The following DSCAML1 variants were observed in gnomAD, a reference collection of about 807,000 sequenced individuals.
The protein encoded by DSCAML1 is cell adhesion molecule DSCAML1.
DSCAML1 carries 38 observed loss-of-function variants against 200.5 expected under a neutral mutation model. The observed-to-expected ratio is 0.19, with a 90% CI of 0.15 to 0.25. DSCAML1 has a LOEUF of 0.25. Among genes scored for constraint, DSCAML1 ranks in the 10% least tolerant of loss-of-function variants. The pLI is 1.00. For missense variants in DSCAML1, 2,223 were observed against 2,858.8 expected, an observed-to-expected ratio of 0.78 and a Z score of 5.07; for synonymous variants, 1,215 against 1,165.0, an observed-to-expected ratio of 1.04 and a Z score of -0.87.
intron 3 of DSCAML1, among the ~76,000 whole-genome samples, chr11:117,744,929 G>A (rs1359597552): frequency 6.6e-6 from 1 of 152,272 alleles, no homozygotes; most frequent in East Asian, 1.9e-4. Flanking sequence ...CCAGCAGGGA[G>A]GGCGGGCCAA....
intron 3 of DSCAML1, 84 bp downstream of exon 3, chr11:117,776,707 A>G: frequency 6.6e-7 from 1 of 1,519,414 alleles, no homozygotes; most frequent in Non-Finnish European, 9.0e-7. Flanking sequence ...TATTGAGCTC[A>G]ACAACCAGCT....
chr11:117,717,981 A>G (rs2137786844), intron 3 of DSCAML1, among the ~76,000 whole-genome samples: 1 of 152,254 alleles, frequency 6.6e-6, no homozygotes, highest in Admixed American at 6.5e-5. Context: ...TACATAGCAA[A>G]CAACACCCAG....
rs978437812 is a variant in DSCAML1 at position 117,498,186 on chromosome 11, C to G, written c.2359+5659G>C. On this transcript the variant is annotated intron_variant, in intron 11 of 32. Coordinates refer to ENST00000651296, the MANE Select transcript of DSCAML1 (RefSeq NM_020693.4). The surrounding 1 kb of genome is among the most constrained non-coding windows in gnomAD (Gnocchi z 4.0). The stretch of plus-strand genomic sequence containing the variant: ...ATAGGACCCACCACCGGGGAACACA[C>G]AGGAATATCTTGGGCCAGTTGTTTG... Among the ~76,000 whole-genome samples, 1 of 152,260 alleles carries G rather than the reference C, an allele frequency of 6.6e-6. No homozygotes were observed. Among genetic ancestry groups the G allele is most frequent in the Non-Finnish European group, 1.5e-5 (1 of 68,052 alleles).
chr11:117,767,918 G>A (rs1052874581), intron 3 of DSCAML1, among the ~76,000 whole-genome samples: 3 of 152,116 alleles, frequency 2.0e-5, no homozygotes, highest in Non-Finnish European at 4.4e-5. Flanking sequence ...TGCCTGCCGC[G>A]GGACCCTACA....
intron 8 of DSCAML1, among the ~76,000 whole-genome samples, chr11:117,514,139 C>T (rs545736795): frequency 2.0e-5 from 3 of 152,362 alleles, no homozygotes; most frequent in Non-Finnish European, 4.4e-5. Context: ...GCCTTCCCCC[C>T]ATGCCAGAGC....
At chr11:117,589,482 G>T (rs952882658) in intron 3 of DSCAML1, among the ~76,000 whole-genome samples, 1 of 152,112 alleles carries the variant, frequency 6.6e-6, no homozygotes, top group African/African-American at 2.4e-5. Context: ...TTCTAGAAAT[G>T]GTTCTTAGAC....
rs540904964 is a variant in DSCAML1, at chr11:117,666,919, C to T, written c.511+109872G>A. Among the ~76,000 whole-genome samples, 2 of 152,208 alleles carry T rather than the reference C, an allele frequency of 1.3e-5. 1 individual carries two copies. The highest frequency in any genetic ancestry group is 4.8e-5 in the African/African-American group (2 of 41,538). ...CTCCATAATGCAGGTAATTACTGTC[C>T]GAATCCATGTATTCACCATCATGCA... On this transcript the variant is annotated intron_variant, in intron 3 of 32. Coordinates refer to ENST00000651296, the MANE Select transcript of DSCAML1 (RefSeq NM_020693.4).
At chr11:117,744,024 T>A (rs2054470427) in intron 3 of DSCAML1, among the ~76,000 whole-genome samples, 1 of 152,230 alleles carries the variant, frequency 6.6e-6, no homozygotes, top group South Asian at 2.1e-4. Flanking sequence ...CAGAGCTGGA[T>A]GGGGTGATGC....
chr11:117,753,448 A>G (rs895095901), intron 3 of DSCAML1, among the ~76,000 whole-genome samples: 1 of 152,156 alleles, frequency 6.6e-6, no homozygotes, highest in Non-Finnish European at 1.5e-5. Context: ...TCCGTTGTCA[A>G]CCTGTGCTAT....
At chr11:117,622,775 C>T (rs545704664) in intron 3 of DSCAML1, among the ~76,000 whole-genome samples, 7 of 152,164 alleles carry the variant, frequency 4.6e-5, no homozygotes, top group Non-Finnish European at 8.8e-5. Flanking sequence ...TGGTGCTCCT[C>T]GTTCTCCCCC....
chr11:117,587,253 A>ACGC (rs1555187499), intron 3 of DSCAML1, among the ~76,000 whole-genome samples: 2 of 137,792 alleles, frequency 1.5e-5, no homozygotes, highest in Non-Finnish European at 3.1e-5. Context: ...ATTCTTTCCA[A>ACGC]CCCCCCCCCA....
In DSCAML1 at chr11:117,666,115, T is replaced by C. The variant is rs572440244; in HGVS notation, c.511+110676A>G. ...TCCGAGGGGCTGTTTGTTGGCCTCC[T>C]TGGGCCCCAGGAAGCAGAATAGTAT... On this transcript the variant is annotated intron_variant, in intron 3 of 32. Coordinates refer to ENST00000651296, the MANE Select transcript of DSCAML1 (RefSeq NM_020693.4). Among the ~76,000 whole-genome samples the C allele has an allele frequency of 1.4e-3, 220 of 152,246 alleles. 1 individual carries two copies. The highest frequency in any genetic ancestry group is 2.4e-3 in the Non-Finnish European group (165 of 68,002).
At chr11:117,485,960 A>G (rs1201964990) in intron 11 of DSCAML1, among the ~76,000 whole-genome samples, 1 of 152,214 alleles carries the variant, frequency 6.6e-6, no homozygotes, top group Non-Finnish European at 1.5e-5. Flanking sequence ...GGCCGGTCCT[A>G]GCTTGATAAC....
intron 1 of DSCAML1, among the ~76,000 whole-genome samples, chr11:117,816,282 C>T (rs1233879915): frequency 6.6e-6 from 1 of 152,186 alleles, no homozygotes; most frequent in Non-Finnish European, 1.5e-5. Context: ...GCACTGCCCT[C>T]CCAATGTCCC....
chr11:117,537,132 ACTCATAGGGACATATGGT>A (rs6144527), intron 3 of DSCAML1, among the ~76,000 whole-genome samples: 82,430 of 151,974 alleles, frequency 0.54, 22,847 homozygotes, highest in African/African-American at 0.65. Flanking sequence ...TGACAGCACC[ACTCATAGGGACATATGGT>A]CAGCCAGCCT....
intron 11 of DSCAML1, among the ~76,000 whole-genome samples, chr11:117,495,007 T>A (rs955523666): frequency 6.6e-6 from 1 of 152,208 alleles, no homozygotes; most frequent in Admixed American, 6.5e-5. Context: ...TTTCAGGCCA[T>A]GCAGCTTATG....
intron 1 of DSCAML1, among the ~76,000 whole-genome samples, chr11:117,781,125 C>T (rs1481218317): frequency 2.6e-5 from 4 of 152,060 alleles, no homozygotes; most frequent in South Asian, 4.2e-4. Flanking sequence ...GATGAAACCC[C>T]GTTTCTACTA....
At chr11:117,439,988 C>T (rs760655399) in intron 21 of DSCAML1, 52 bp from the exon 22 acceptor site, 2 of 1,489,594 alleles carry the variant, frequency 1.3e-6, no homozygotes, top group East Asian at 2.3e-5. Context: ...TGCACAATAT[C>T]CTGGCCTCCT....
chr11:117,488,177 G>C (rs541033613), intron 11 of DSCAML1, among the ~76,000 whole-genome samples: 1 of 152,092 alleles, frequency 6.6e-6, no homozygotes, highest in Non-Finnish European at 1.5e-5. Flanking sequence ...CCCTCCATCC[G>C]GCCCTGCACC....
Sources: gnomAD v4.1 joint callset for allele counts (sites outside exome capture counted in the v4.1 genomes callset) on GRCh38, gnomAD v4.1.1 for gene constraint, Gnocchi (gnomAD v3.1) non-coding constraint, MANE v1.5 for transcripts, NCBI Gene and HGNC (gene_info 2026-07-23, HGNC 2026-07-21) for gene names.